The following NALF1 variants were observed in gnomAD, a reference collection of about 807,000 sequenced individuals.
NALF1 encodes the protein NALCN channel auxiliary factor 1, also known as family with sequence similarity 155 member A.
NALF1 carries 3 observed loss-of-function variants against 48.4 expected under a neutral mutation model. The observed-to-expected ratio is 0.06, with a 90% confidence interval of 0.03 to 0.16. NALF1 has a LOEUF of 0.16. Ranked by LOEUF, NALF1 falls within the 10% of genes least tolerant of loss-of-function variation. The pLI is 1.00. For synonymous variants in NALF1, 262 were observed against 245.7 expected, an observed-to-expected ratio of 1.07 and a Z score of -0.62; for missense variants, 526 against 571.5, an observed-to-expected ratio of 0.92 and a Z score of 0.81.
chr13:107,499,727 G>A (rs994973022), intron 1 of NALF1, among the ~76,000 whole-genome samples: 4 of 152,008 alleles, frequency 2.6e-5, no homozygotes, highest in Non-Finnish European at 4.4e-5. Context: ...CTTACGGCTT[G>A]CTTTTTTTCT....
At chr13:107,638,585 A>G (rs892545579) in intron 1 of NALF1, among the ~76,000 whole-genome samples, 1 of 152,118 alleles carries the variant, frequency 6.6e-6, no homozygotes, top group Non-Finnish European at 1.5e-5. Flanking sequence ...TTATTGCTGA[A>G]TAAGACAGTT....
intron 1 of NALF1, among the ~76,000 whole-genome samples, chr13:107,534,217 A>G (rs571982240): frequency 1.3e-5 from 2 of 152,262 alleles, no homozygotes; most frequent in Non-Finnish European, 2.9e-5. Flanking sequence ...AGCCCTTCAG[A>G]TGACTCTGGA....
chr13:107,257,963 C>T (rs766118412), intron 1 of NALF1, among the ~76,000 whole-genome samples: 1 of 152,182 alleles, frequency 6.6e-6, no homozygotes, highest in Non-Finnish European at 1.5e-5. Context: ...GTGAAATAGG[C>T]TTCTGTTGCA....
At chr13:107,549,103 A>G (rs548333604) in intron 1 of NALF1, among the ~76,000 whole-genome samples, 1 of 152,186 alleles carries the variant, frequency 6.6e-6, no homozygotes, top group African/African-American at 2.4e-5. Flanking sequence ...GTTACCTTAC[A>G]AACATGTTCT....
intron 1 of NALF1, among the ~76,000 whole-genome samples, chr13:107,380,782 T>C (rs1042665892): frequency 6.6e-6 from 1 of 151,682 alleles, no homozygotes; most frequent in Non-Finnish European, 1.5e-5. Flanking sequence ...ATCGAGACCA[T>C]CCTGGCTAAC....
intron 1 of NALF1, among the ~76,000 whole-genome samples, chr13:107,361,272 G>A (rs1883055706): frequency 6.6e-6 from 1 of 152,194 alleles, no homozygotes; most frequent in Non-Finnish European, 1.5e-5. Flanking sequence ...ACTTTTCCAA[G>A]TCTTGAAGCC....
intron 1 of NALF1, among the ~76,000 whole-genome samples, chr13:107,359,100 C>T (rs1367174429): frequency 6.6e-6 from 1 of 152,112 alleles, no homozygotes; most frequent in Non-Finnish European, 1.5e-5. Flanking sequence ...TGAACATTCC[C>T]CTCCCTGAAA....
chr13:107,712,542 T>C (rs1388095903), intron 1 of NALF1, among the ~76,000 whole-genome samples: 1 of 152,102 alleles, frequency 6.6e-6, no homozygotes, highest in Non-Finnish European at 1.5e-5. Context: ...CTTTCAAGAT[T>C]TGATTAAAAA....
chr13:107,782,737 C>T (rs1594263017), intron 1 of NALF1, among the ~76,000 whole-genome samples: 1 of 150,310 alleles, frequency 6.7e-6, no homozygotes, highest in Non-Finnish European at 1.5e-5. Context: ...CGCCTCTGCC[C>T]GGTCGCGACC....
At chr13:107,478,185 C>G (rs1266707288) in intron 1 of NALF1, among the ~76,000 whole-genome samples, 1 of 152,148 alleles carries the variant, frequency 6.6e-6, no homozygotes, top group Non-Finnish European at 1.5e-5. Context: ...TTTGCTTCAT[C>G]ATGATCCTTC....
chr13:107,302,235 G>T (rs1275025025), intron 1 of NALF1, among the ~76,000 whole-genome samples: 2 of 152,196 alleles, frequency 1.3e-5, no homozygotes, highest in African/African-American at 4.8e-5. Flanking sequence ...ATTCCCACCA[G>T]ACGCAGTCCC....
intron 1 of NALF1, among the ~76,000 whole-genome samples, chr13:107,810,517 T>C (rs1878955831): frequency 6.6e-6 from 1 of 152,166 alleles, no homozygotes. Context: ...CTTAATTAAT[T>C]TGATATCCAT....
At chr13:107,333,586 G>A (rs913713562) in intron 1 of NALF1, among the ~76,000 whole-genome samples, 2 of 152,144 alleles carry the variant, frequency 1.3e-5, no homozygotes. Context: ...GGGCAGGTAC[G>A]AGTAAATTTT....
At chr13:107,370,706 C>T (rs745621702) in intron 1 of NALF1, among the ~76,000 whole-genome samples, 2 of 152,108 alleles carry the variant, frequency 1.3e-5, no homozygotes, top group African/African-American at 4.8e-5. Flanking sequence ...ATGCTGCGAA[C>T]AAAAACATAA....
At chr13:107,382,862 C>T (rs1338504404) in intron 1 of NALF1, among the ~76,000 whole-genome samples, 1 of 152,196 alleles carries the variant, frequency 6.6e-6, no homozygotes, top group Non-Finnish European at 1.5e-5. Context: ...GGCTAAGTGG[C>T]TGGTGTTAGC....
chr13:107,781,343 A>C (rs539708639), intron 1 of NALF1, among the ~76,000 whole-genome samples: 1 of 152,304 alleles, frequency 6.6e-6, no homozygotes, highest in Admixed American at 6.5e-5. Context: ...TATTACATAA[A>C]CCTTAAGAGA....
In NALF1 at chr13:107,282,933, A is replaced by T. The variant is rs1011229093; in HGVS notation, c.916-72178T>A. Among the ~76,000 whole-genome samples the T allele has an allele frequency of 2.6e-5, 4 of 152,368 alleles. No individual in the cohort carries two copies. The East Asian group carries it at 5.8e-4, about 22-fold the overall frequency. On this transcript the variant is annotated intron_variant, in intron 1 of 2. Transcript: ENST00000375915. ...GTAATTTTTAATGTAAAAGAGCTAG[A>T]TAATTCTTCCATTAAAGGGAAATAA... is the stretch of plus-strand genomic sequence containing the variant.
At chr13:107,463,277 CAT>C (rs1884949212) in intron 1 of NALF1, among the ~76,000 whole-genome samples, 1 of 152,148 alleles carries the variant, frequency 6.6e-6, no homozygotes, top group Non-Finnish European at 1.5e-5. Flanking sequence ...AAGAATCACA[CAT>C]AGATTAAAGA....
intron 1 of NALF1, among the ~76,000 whole-genome samples, chr13:107,656,333 A>G (rs1188783208): frequency 1.3e-5 from 2 of 152,126 alleles, no homozygotes; most frequent in Non-Finnish European, 2.9e-5. Flanking sequence ...CAATCCCATC[A>G]AAAAGTGAGC....
Sources: allele counts gnomAD v4.1 joint callset (sites outside exome capture counted in the v4.1 genomes callset), GRCh38; gene constraint gnomAD v4.1.1; transcripts MANE v1.5; gene names NCBI Gene and HGNC (gene_info 2026-07-23, HGNC 2026-07-21).